Variants in CAMK2D observed in about 807,000 individuals in gnomAD.
CAMK2D encodes calcium/calmodulin-dependent protein kinase type II subunit delta.
Under a neutral mutation model 84.0 loss-of-function variants are expected in CAMK2D, and 37 were observed. That is an observed-to-expected ratio of 0.44 (90% CI 0.34 to 0.58). CAMK2D has a LOEUF of 0.58. Ranked by LOEUF, CAMK2D falls within the 20% of genes least tolerant of loss-of-function variation. The probability of loss-of-function intolerance (pLI) is 0.02; values close to 1 mark genes in which losing one functional copy is unlikely to be tolerated. For synonymous variants in CAMK2D, 202 were observed against 212.5 expected (o/e 0.95, Z 0.43); for missense variants, 448 against 652.5 (o/e 0.69, Z 3.41).
Position 113,603,773 on chromosome 4 carries a change from T to TTATATATATATATATATA in CAMK2D, c.275+5361_275+5378dup, listed in dbSNP as rs139576985. Among the ~76,000 whole-genome samples the TTATATATATATATATATA allele has an allele frequency of 2.4e-3, 301 of 127,872 alleles. 4 individuals are homozygous for TTATATATATATATATATA. The highest frequency in any genetic ancestry group is 9.0e-3 in the African/African-American group (276 of 30,590). The allele number at this position is 127,872 out of a possible 152,430, so 83.9% of individuals were successfully genotyped here. ...ATCTTTCTATATATTTCTTGCTATTTTATATATATATATATATATATATAT... is the reference window on the plus strand; with the variant it reads ...ATCTTTCTATATATTTCTTGCTATTTTATATATATATATATATATATATATATATATATATATATATAT... On this transcript the variant is annotated intron_variant, in intron 4 of 20. Transcript: ENST00000511664.
chr4:113,502,385 AAACAACAAC>A (rs139759722), intron 15 of CAMK2D, among the ~76,000 whole-genome samples: 5 of 150,388 alleles, frequency 3.3e-5, no homozygotes, highest in Admixed American at 6.6e-5. Context: ...AATTCATGCC[AAACAACAAC>A]AACAACAACA....
chr4:113,627,010 G>T (rs2099070834), intron 3 of CAMK2D, among the ~76,000 whole-genome samples: 1 of 152,022 alleles, frequency 6.6e-6, no homozygotes, highest in African/African-American at 2.4e-5. Context: ...TTTTCATAGA[G>T]ATTTGTAAAA....
intron 13 of CAMK2D, chr4:113,508,235 CCAT>C (rs1274588372): frequency 2.9e-5 from 45 of 1,547,820 alleles, no homozygotes; most frequent in Non-Finnish European, 3.9e-5. Flanking sequence ...TAGATCCTCA[CCAT>C]CATCTGAACA....
intron 2 of CAMK2D, among the ~76,000 whole-genome samples, chr4:113,673,667 T>C (rs1043440459): frequency 6.6e-6 from 1 of 152,162 alleles, no homozygotes; most frequent in African/African-American, 2.4e-5. Flanking sequence ...CCCTTACAGC[T>C]CTTCTCTAAA....
chr4:113,756,596 G>A (rs1249355905), intron 2 of CAMK2D, among the ~76,000 whole-genome samples: 1 of 151,950 alleles, frequency 6.6e-6, no homozygotes, highest in Non-Finnish European at 1.5e-5. Flanking sequence ...TCTCTGAAAT[G>A]AGTGTTATTA....
intron 2 of CAMK2D, among the ~76,000 whole-genome samples, chr4:113,756,204 T>C (rs906903434): frequency 6.6e-6 from 1 of 151,976 alleles, no homozygotes; most frequent in Non-Finnish European, 1.5e-5. Context: ...AAATGCCTGG[T>C]TGATAGTATA....
chr4:113,658,699 T>A (rs1041935912), intron 3 of CAMK2D, among the ~76,000 whole-genome samples: 7 of 152,268 alleles, frequency 4.6e-5, no homozygotes, highest in African/African-American at 1.7e-4. Context: ...CACCTAGAAA[T>A]GTAACTTGTT....
chr4:113,664,421 G>T (rs149304079), intron 2 of CAMK2D, among the ~76,000 whole-genome samples: 2 of 152,166 alleles, frequency 1.3e-5, no homozygotes, highest in Admixed American at 1.3e-4. Flanking sequence ...TGTCAGCCAC[G>T]GCTGGGGTCT....
At chr4:113,623,467 T>C (rs1161214821) in intron 3 of CAMK2D, among the ~76,000 whole-genome samples, 1 of 152,056 alleles carries the variant, frequency 6.6e-6, no homozygotes, top group Admixed American at 6.6e-5. Flanking sequence ...CTGAGAAGTG[T>C]TGTTAGGTGG....
chr4:113,678,959 C>T (rs2099329480), intron 2 of CAMK2D, among the ~76,000 whole-genome samples: 1 of 152,124 alleles, frequency 6.6e-6, no homozygotes, highest in Non-Finnish European at 1.5e-5. Context: ...TCTCCTACTC[C>T]CTGCCCCTAC....
At chr4:113,562,672 C>T (rs2098703693) in intron 4 of CAMK2D, among the ~76,000 whole-genome samples, 1 of 152,178 alleles carries the variant, frequency 6.6e-6, no homozygotes, top group African/African-American at 2.4e-5. Context: ...ATAATTCTAA[C>T]AGTTCAGTAA....
At chr4:113,612,363 T>C (rs1305264675) in intron 3 of CAMK2D, among the ~76,000 whole-genome samples, 1 of 152,226 alleles carries the variant, frequency 6.6e-6, no homozygotes, top group African/African-American at 2.4e-5. Flanking sequence ...CATGTTTACT[T>C]TTACAAAATG....
At chr4:113,705,979 G>A (rs1028510339) in intron 2 of CAMK2D, among the ~76,000 whole-genome samples, 10 of 152,090 alleles carry the variant, frequency 6.6e-5, no homozygotes, top group Non-Finnish European at 1.5e-4. Context: ...ACAGAGACAC[G>A]GGCGGTGTGT....
At chr4:113,523,343 G>A (rs1457362830) in intron 8 of CAMK2D, among the ~76,000 whole-genome samples, 1 of 151,856 alleles carries the variant, frequency 6.6e-6, no homozygotes, top group East Asian at 1.9e-4. Flanking sequence ...AACATCACCT[G>A]GTGCGCTTGT....
intron 2 of CAMK2D, among the ~76,000 whole-genome samples, chr4:113,664,412 G>A (rs950349087): frequency 6.6e-6 from 1 of 152,186 alleles, no homozygotes; most frequent in Non-Finnish European, 1.5e-5. Context: ...CAATCAAGGT[G>A]TCAGCCACGG....
chr4:113,514,598 T>G (rs2098261610), intron 10 of CAMK2D, among the ~76,000 whole-genome samples: 1 of 152,198 alleles, frequency 6.6e-6, no homozygotes, highest in Non-Finnish European at 1.5e-5. Flanking sequence ...CCCCCTCAAA[T>G]TTCACACTAT....
At chr4:113,745,036 A>G (rs149985976) in intron 2 of CAMK2D, among the ~76,000 whole-genome samples, 1 of 152,262 alleles carries the variant, frequency 6.6e-6, no homozygotes, top group Non-Finnish European at 1.5e-5. Context: ...CACATCTGTT[A>G]TTATCTTAAG....
At chr4:113,760,889 C>G (rs749431129) in intron 1 of CAMK2D, 115 bp downstream of exon 1, 488 of 1,327,026 alleles carry the variant, frequency 3.7e-4, no homozygotes, top group Non-Finnish European at 5.1e-4. Flanking sequence ...AGGGGCCCTC[C>G]TCCCATTCCT....
At chr4:113,492,757 T>A (rs1392084261) in intron 16 of CAMK2D, among the ~76,000 whole-genome samples, 4 of 146,462 alleles carry the variant, frequency 2.7e-5, no homozygotes, top group East Asian at 1.9e-4. Context: ...AAGTCTCCCA[T>A]TATTAATGTG....
Sources: gnomAD v4.1 joint callset for allele counts (sites outside exome capture counted in the v4.1 genomes callset) on GRCh38, gnomAD v4.1.1 for gene constraint, MANE v1.5 for transcripts, NCBI Gene and HGNC (gene_info 2026-07-23, HGNC 2026-07-21) for gene names.